Variants in PCDH7 observed in about 807,000 individuals in gnomAD.
PCDH7 encodes the protein protocadherin 7, also known as protocadherin-7.
Under a neutral mutation model 58.9 loss-of-function variants are expected in PCDH7, and 17 were observed. The observed-to-expected ratio is 0.29, with a 90% CI of 0.20 to 0.43. PCDH7 has a LOEUF of 0.43. PCDH7 is among the 20% of genes least tolerant of loss of function. The pLI is 1.00. For synonymous variants in PCDH7, 664 were observed against 616.4 expected, an observed-to-expected ratio of 1.08 and a Z score of -1.14; for missense variants, 1,274 against 1,441.0, an observed-to-expected ratio of 0.88 and a Z score of 1.88.
chr4:31,005,938 C>T (rs1223314915), intron 3 of PCDH7, among the ~76,000 whole-genome samples: 1 of 152,200 alleles, frequency 6.6e-6, no homozygotes, highest in East Asian at 1.9e-4. Flanking sequence ...AACTTCATCA[C>T]TTACTAGCAC....
intron 1 of PCDH7, among the ~76,000 whole-genome samples, chr4:30,779,642 G>C (rs1028742227): frequency 6.6e-6 from 1 of 152,154 alleles, no homozygotes. Context: ...AGAGGAAACT[G>C]TTTGTAATTT....
chr4:30,977,388 C>T (rs1322747810), intron 3 of PCDH7, among the ~76,000 whole-genome samples: 1 of 152,162 alleles, frequency 6.6e-6, no homozygotes, highest in Non-Finnish European at 1.5e-5. Flanking sequence ...CTCCAGAAAA[C>T]ATCTTCTAAA....
intron 1 of PCDH7, among the ~76,000 whole-genome samples, chr4:30,901,365 A>G (rs1740201163): frequency 6.6e-6 from 1 of 152,180 alleles, no homozygotes; most frequent in East Asian, 1.9e-4. Flanking sequence ...TGGAGTGCTG[A>G]CATCCCTAGC....
chr4:30,883,752 G>A (rs551587154), intron 1 of PCDH7, among the ~76,000 whole-genome samples: 160 of 152,134 alleles, frequency 1.1e-3, no homozygotes, highest in Non-Finnish European at 2.1e-3. Context: ...GTTGAACACT[G>A]ATGTAATGGA....
intron 3 of PCDH7, among the ~76,000 whole-genome samples, chr4:31,061,259 AT>A (rs1401588109): frequency 1.3e-5 from 2 of 151,534 alleles, no homozygotes; most frequent in East Asian, 1.9e-4. Flanking sequence ...TTATTTTAAA[AT>A]CTCTTTTAGC....
chr4:30,811,161 G>A (rs1382700258), intron 1 of PCDH7, among the ~76,000 whole-genome samples: 1 of 152,170 alleles, frequency 6.6e-6, no homozygotes, highest in African/African-American at 2.4e-5. Flanking sequence ...TTCCTTTCAT[G>A]TAGAAGGATG....
At chr4:31,117,008 A>C (rs10013484) in intron 3 of PCDH7, among the ~76,000 whole-genome samples, 50 of 151,760 alleles carry the variant, frequency 3.3e-4, no homozygotes, top group Admixed American at 3.3e-3. Flanking sequence ...GCTAATTTTG[A>C]ATTTTTAGAA....
intron 3 of PCDH7, among the ~76,000 whole-genome samples, chr4:31,028,927 T>C (rs573743288): frequency 6.6e-6 from 1 of 152,246 alleles, no homozygotes; most frequent in South Asian, 2.1e-4. Context: ...CCCAAACTGG[T>C]TGTGTGACAT....
intron 1 of PCDH7, among the ~76,000 whole-genome samples, chr4:30,828,696 T>C (rs1729402177): frequency 6.6e-6 from 1 of 152,108 alleles, no homozygotes; most frequent in South Asian, 2.1e-4. Context: ...GTTGACTCTT[T>C]TAAGAATTGC....
chr4:30,969,145 A>G (rs1749315051), intron 3 of PCDH7, among the ~76,000 whole-genome samples: 1 of 152,206 alleles, frequency 6.6e-6, no homozygotes, highest in Non-Finnish European at 1.5e-5. Flanking sequence ...TGCAGAACCT[A>G]GACTTACTGG....
chr4:30,733,165 T>A (rs1715760047), downstream of PCDH7, among the ~76,000 whole-genome samples: 1 of 152,176 alleles, frequency 6.6e-6, no homozygotes, highest in Non-Finnish European at 1.5e-5. Flanking sequence ...AACGGACAGG[T>A]TTAGACAGAG....
chr4:30,781,961 G>T lies in PCDH7; in HGVS notation c.70+57365G>T, dbSNP rs75644021. Among the ~76,000 whole-genome samples the T allele has an allele frequency of 4.6e-3, 700 of 152,212 alleles. 5 individuals are homozygous for T. Among genetic ancestry groups the T allele is most frequent in the African/African-American group, 0.016 (662 of 41,548 alleles). ...TGTGTATACTCTAACTTATGTAAATGGGTATAGACTTCCCTTTCTTTGATT... is the reference window on the plus strand; with the variant it reads ...TGTGTATACTCTAACTTATGTAAATTGGTATAGACTTCCCTTTCTTTGATT... On this transcript the variant is annotated intron_variant, in intron 1 of 3. Transcript: ENST00000509759.
At chr4:30,901,238 A>G (rs1344853117) in intron 1 of PCDH7, among the ~76,000 whole-genome samples, 1 of 152,214 alleles carries the variant, frequency 6.6e-6, no homozygotes, top group African/African-American at 2.4e-5. Context: ...GAGGTATTTT[A>G]TAATAAGTCA....
intron 3 of PCDH7, among the ~76,000 whole-genome samples, chr4:31,081,562 G>A (rs1338101407): frequency 1.3e-5 from 2 of 151,954 alleles, no homozygotes; most frequent in East Asian, 3.9e-4. Flanking sequence ...ACATTTCTGT[G>A]TCTTTCAATA....
chr4:31,056,667 G>A lies in PCDH7; in HGVS notation c.*8-85806G>A, dbSNP rs574567003. On this transcript the variant is annotated intron_variant, in intron 3 of 3. Coordinates refer to the PCDH7 transcript ENST00000509759. ...GAGAGAGAAAGAGAGAGAGGAGAGA[G>A]AGAAAGAGAAAGAGAGAGGAGAGAG... Among the ~76,000 whole-genome samples, 1,168 of 144,250 alleles carry A rather than the reference G, an allele frequency of 8.1e-3. 13 individuals are homozygous for A. Among genetic ancestry groups the A allele is most frequent in the African/African-American group, 0.026 (1,046 of 39,672 alleles). The allele number at this position is 144,250 out of a possible 152,430, so 94.6% of individuals were successfully genotyped here. A position where few individuals can be genotyped will look rare whatever the true frequency, so the allele number is the denominator to read the frequency against.
chr4:30,966,231 C>T (rs528933822), intron 3 of PCDH7, among the ~76,000 whole-genome samples: 6 of 152,246 alleles, frequency 3.9e-5, no homozygotes, highest in African/African-American at 7.2e-5. Context: ...CAAGCAAGAA[C>T]GACACTGTCA....
intron 1 of PCDH7, among the ~76,000 whole-genome samples, chr4:30,797,881 T>C (rs1214807978): frequency 3.3e-5 from 5 of 152,186 alleles, no homozygotes; most frequent in Non-Finnish European, 7.3e-5. Flanking sequence ...TAAGAAAATA[T>C]TAAATTCTGG....
chr4:30,771,527 A>G (rs1202538576), intron 1 of PCDH7, among the ~76,000 whole-genome samples: 2 of 152,158 alleles, frequency 1.3e-5, no homozygotes, highest in African/African-American at 4.8e-5. Flanking sequence ...TTTCCTTGGC[A>G]CCTAAAATCT....
chr4:30,730,080 G>C (rs1167836412), intron 1 of PCDH7, among the ~76,000 whole-genome samples: 1 of 151,668 alleles, frequency 6.6e-6, no homozygotes, highest in Non-Finnish European at 1.5e-5. Context: ...TGGTGGTGGA[G>C]ATTATGTAGG....
Sources: allele counts gnomAD v4.1 joint callset (sites outside exome capture counted in the v4.1 genomes callset), GRCh38; gene constraint gnomAD v4.1.1; transcripts MANE v1.5; gene names NCBI Gene and HGNC (gene_info 2026-07-23, HGNC 2026-07-21).